The following DAB1 variants were observed in gnomAD, a reference collection of about 807,000 sequenced individuals.
The protein encoded by DAB1 is disabled homolog 1.
Under a neutral mutation model 64.6 loss-of-function variants are expected in DAB1, and 15 were observed. The observed-to-expected ratio is 0.23, with a 90% CI of 0.16 to 0.36. The LOEUF is 0.36. DAB1 is among the 10% of genes least tolerant of loss of function. The pLI is 1.00. For missense variants in DAB1, 596 were observed against 706.7 expected (o/e 0.84, Z 1.78); for synonymous variants, 235 against 251.9 (o/e 0.93, Z 0.64).
chr1:57,915,898 T>A (rs1239644377), intron 5 of DAB1, among the ~76,000 whole-genome samples: 1 of 152,124 alleles, frequency 6.6e-6, no homozygotes, highest in Non-Finnish European at 1.5e-5. Flanking sequence ...AGAAACAGCA[T>A]GATGGTACTC....
At chr1:57,664,161 T>C (rs529149342) in intron 6 of DAB1, among the ~76,000 whole-genome samples, 2 of 152,292 alleles carry the variant, frequency 1.3e-5, no homozygotes, top group East Asian at 3.9e-4. Flanking sequence ...TTGGTACATG[T>C]AAGCATTTGG....
intron 5 of DAB1, among the ~76,000 whole-genome samples, chr1:57,914,502 C>A (rs1644696402): frequency 6.6e-6 from 1 of 152,020 alleles, no homozygotes; most frequent in Non-Finnish European, 1.5e-5. Flanking sequence ...AGCACACCAA[C>A]ATGGCACATG....
chr1:57,970,638 A>C (rs1391414794), intron 5 of DAB1, among the ~76,000 whole-genome samples: 1 of 152,198 alleles, frequency 6.6e-6, no homozygotes, highest in African/African-American at 2.4e-5. Context: ...AACATGAATA[A>C]GAAATACTTT....
rs181362014 is a variant in DAB1, at chr1:57,311,016, T to A, written c.-136-19850A>T. Among the ~76,000 whole-genome samples, 4 of 151,338 alleles carry A rather than the reference T, an allele frequency of 2.6e-5. No individual in the cohort carries two copies. In the East Asian group the frequency reaches 7.8e-4, roughly 29 times the overall value. On this transcript the variant is annotated intron_variant, in intron 1 of 14. Transcript: ENST00000371236. The stretch of plus-strand genomic sequence containing the variant: ...ATCTCTAAAAAAAAAAATAGATAGA[T>A]GATAGACAGACAGATAGACAGCCAG...
At position 57,071,594 on chromosome 1, in the gene DAB1, A is replaced by G. The variant is rs1325338539; in HGVS notation, c.486T>C (p.Tyr162=). 9 of 1,613,768 alleles carry G rather than the reference A, an allele frequency of 5.6e-6. No individual in the cohort carries two copies. The highest frequency in any genetic ancestry group is 1.7e-5 in the Admixed American group (1 of 59,964). The change falls in exon 6 of 15, where the codon TAT becomes TAC. Residue 162 remains tyrosine (Y), a synonymous_variant. Transcript: ENST00000371236. ...CTAATTCTTCTCTTTGCTTCAATTC[A>G]TAAATGAGTTGAAAGAGATCTCTCA... The part of the protein sequence containing the change: ...LDLRDLFQLI[Y]ELKQREELEK...
chr1:57,615,204 A>C (rs1432209515), intron 7 of DAB1, among the ~76,000 whole-genome samples: 1 of 152,146 alleles, frequency 6.6e-6, no homozygotes, highest in Non-Finnish European at 1.5e-5. Context: ...ATATTCTTCC[A>C]GGCCTGTGCC....
At chr1:58,059,090 T>C (rs3753509) in intron 5 of DAB1, among the ~76,000 whole-genome samples, 30,581 of 152,138 alleles carry the variant, frequency 0.2, 3,432 homozygotes, top group East Asian at 0.31. Context: ...GCTCTGCACA[T>C]AGCCCTGTCC....
intron 5 of DAB1, among the ~76,000 whole-genome samples, chr1:58,075,140 AG>A (rs1373684813): frequency 6.6e-6 from 1 of 152,192 alleles, no homozygotes; most frequent in Non-Finnish European, 1.5e-5. Flanking sequence ...CCAACCACCT[AG>A]GAAACAGAGA....
At chr1:57,768,083 A>T (rs1557469487) in intron 6 of DAB1, among the ~76,000 whole-genome samples, 1 of 148,652 alleles carries the variant, frequency 6.7e-6, no homozygotes, top group Non-Finnish European at 1.5e-5. Flanking sequence ...AGGCTGAAGT[A>T]GGAGAATTGC....
chr1:57,223,336 G>A (rs1300899583), intron 2 of DAB1, among the ~76,000 whole-genome samples: 1 of 152,304 alleles, frequency 6.6e-6, no homozygotes, highest in Non-Finnish European at 1.5e-5. Flanking sequence ...GTGTGGCAAT[G>A]GGAATGCTTT....
chr1:57,405,486 T>C (rs190628784), intron 1 of DAB1, among the ~76,000 whole-genome samples: 2 of 152,184 alleles, frequency 1.3e-5, no homozygotes, highest in Non-Finnish European at 1.5e-5. Flanking sequence ...CCAGTGGTGG[T>C]TCATAAGCTA....
chr1:57,810,199 C>T (rs184617655), intron 6 of DAB1, among the ~76,000 whole-genome samples: 2 of 152,242 alleles, frequency 1.3e-5, no homozygotes. Flanking sequence ...ATTTTTCTAA[C>T]ACATCATCAC....
chr1:58,230,220 T>C (rs899648751), intron 4 of DAB1, among the ~76,000 whole-genome samples: 1 of 152,182 alleles, frequency 6.6e-6, no homozygotes, highest in Non-Finnish European at 1.5e-5. Context: ...CATCAGATAT[T>C]CTCACTTCCA....
chr1:57,567,139 T>C (rs1645132693), intron 7 of DAB1, among the ~76,000 whole-genome samples: 1 of 152,290 alleles, frequency 6.6e-6, no homozygotes, highest in African/African-American at 2.4e-5. Flanking sequence ...AATCAATAAA[T>C]GTAATCCAGC....
At chr1:57,689,403 T>G (rs1419639009) in intron 6 of DAB1, among the ~76,000 whole-genome samples, 1 of 152,172 alleles carries the variant, frequency 6.6e-6, no homozygotes, top group East Asian at 1.9e-4. Flanking sequence ...TAGTATCATT[T>G]AGAACTTGGG....
At chr1:57,665,531 C>T (rs1279231111) in intron 6 of DAB1, among the ~76,000 whole-genome samples, 1 of 151,964 alleles carries the variant, frequency 6.6e-6, no homozygotes, top group African/African-American at 2.4e-5. Context: ...TCTCTAAATA[C>T]AGAATCCATA....
At chr1:57,678,030 T>C (rs1646588796) in intron 6 of DAB1, among the ~76,000 whole-genome samples, 1 of 152,140 alleles carries the variant, frequency 6.6e-6, no homozygotes, top group Non-Finnish European at 1.5e-5. Context: ...CTTGGTTCAA[T>C]TGGTCTAGGG....
At chr1:57,793,251 C>G (rs1415762759) in intron 6 of DAB1, among the ~76,000 whole-genome samples, 1 of 152,146 alleles carries the variant, frequency 6.6e-6, no homozygotes, top group East Asian at 1.9e-4. Context: ...AGAGTTTTCT[C>G]TATTACCTTG....
At chr1:57,503,440 C>T (rs1044103405) in intron 7 of DAB1, among the ~76,000 whole-genome samples, 2 of 152,188 alleles carry the variant, frequency 1.3e-5, no homozygotes, top group Non-Finnish European at 2.9e-5. Context: ...CTGTTCCCTC[C>T]TAACTAGTCT....
Sources: allele counts gnomAD v4.1 joint callset (sites outside exome capture counted in the v4.1 genomes callset), GRCh38; gene constraint gnomAD v4.1.1; transcripts MANE v1.5; gene names NCBI Gene and HGNC (gene_info 2026-07-23, HGNC 2026-07-21).